COLQ: variants seen among roughly 807,000 people sequenced by gnomAD.
COLQ encodes the protein acetylcholinesterase collagenic tail peptide.
Under a neutral mutation model 69.0 loss-of-function variants are expected in COLQ, and 48 were observed. The observed-to-expected ratio is 0.70, with a 90% CI of 0.55 to 0.88. The LOEUF is 0.88. Among genes scored for constraint, COLQ ranks in the 40% least tolerant of loss-of-function variants. The pLI, the probability that COLQ is intolerant of heterozygous loss-of-function variation, is 0.00. For synonymous variants in COLQ, 217 were observed against 211.2 expected (o/e 1.03, Z -0.24); for missense variants, 618 against 594.6 (o/e 1.04, Z -0.41).
intron 14 of COLQ, 47 bp from the exon 15 acceptor site, chr3:15,456,066 G>A: frequency 1.2e-6 from 2 of 1,609,960 alleles, no homozygotes; most frequent in Non-Finnish European, 1.7e-6. Flanking sequence ...GCATACCCAG[G>A]CAGCCGCAGG....
At chr3:15,496,046 C>A (rs1033209829) in intron 1 of COLQ, among the ~76,000 whole-genome samples, 13 of 152,166 alleles carry the variant, frequency 8.5e-5, no homozygotes, top group East Asian at 1.9e-4. Context: ...GCCTCCAGTG[C>A]CTTCCTTCAC....
intron 3 of COLQ, among the ~76,000 whole-genome samples, chr3:15,486,928 T>C (rs969352257): frequency 6.6e-6 from 1 of 152,188 alleles, no homozygotes; most frequent in African/African-American, 2.4e-5. Flanking sequence ...ACTACTCAAC[T>C]CTGCCTTTGT....
intron 1 of COLQ, among the ~76,000 whole-genome samples, chr3:15,493,762 G>A (rs2062705507): frequency 6.6e-6 from 1 of 152,230 alleles, no homozygotes; most frequent in Admixed American, 6.5e-5. Context: ...TTTCTCCTGA[G>A]GAAGGCCAGG....
chr3:15,499,012 C>G, intron 1 of COLQ: 135 of 1,012,934 alleles, frequency 1.3e-4, no homozygotes, highest in East Asian at 6.0e-4. Flanking sequence ...TGGTAAGCCT[C>G]AAAGTCAACC....
intron 3 of COLQ, among the ~76,000 whole-genome samples, chr3:15,483,807 G>T (rs1032936325): frequency 6.6e-6 from 1 of 152,190 alleles, no homozygotes; most frequent in African/African-American, 2.4e-5. Context: ...AATGTTGACA[G>T]TGGGGTGTTG....
At chr3:15,505,105 T>G (rs1326841897) in intron 1 of COLQ, among the ~76,000 whole-genome samples, 1 of 152,186 alleles carries the variant, frequency 6.6e-6, no homozygotes, top group Non-Finnish European at 1.5e-5. Flanking sequence ...TTCACAAGGA[T>G]TAGGGTTGGG....
chr3:15,493,810 G>A (rs1166603465), intron 1 of COLQ, among the ~76,000 whole-genome samples: 5 of 152,242 alleles, frequency 3.3e-5, no homozygotes, highest in Non-Finnish European at 5.9e-5. Context: ...CAGGCTAGGC[G>A]TGGTGGCTCA....
intron 1 of COLQ, among the ~76,000 whole-genome samples, chr3:15,505,940 AC>A (rs200872766): frequency 2.0e-5 from 3 of 151,746 alleles, no homozygotes; most frequent in African/African-American, 7.3e-5. Context: ...CCATCCCTGC[AC>A]CCCCCATCCC....
chr3:15,476,898 G>A (rs1020959175), intron 6 of COLQ, among the ~76,000 whole-genome samples: 1 of 152,194 alleles, frequency 6.6e-6, no homozygotes, highest in Admixed American at 6.5e-5. Context: ...GAGGGTACCA[G>A]CCCCCTATTT....
chr3:15,483,079 C>A (rs6801382), intron 3 of COLQ, among the ~76,000 whole-genome samples: 57,069 of 151,754 alleles, frequency 0.38, 10,895 homozygotes, highest in East Asian at 0.51. Flanking sequence ...TTTTTTATTG[C>A]GTCTATTTGA....
intron 3 of COLQ, among the ~76,000 whole-genome samples, chr3:15,487,899 T>C (rs111796689): frequency 6.6e-6 from 1 of 152,288 alleles, no homozygotes; most frequent in African/African-American, 2.4e-5. Context: ...AGTGTTTGTC[T>C]GATTGTAACT....
chr3:15,451,848 C>T (rs939485051), intron 16 of COLQ, 135 bp from the exon 17 acceptor site: 1 of 773,386 alleles, frequency 1.3e-6, no homozygotes, highest in African/African-American at 1.7e-5. Flanking sequence ...GAGTGAGAGG[C>T]CTGGGGGAGT....
Position 15,474,253 on chromosome 3 carries a change from C to G in COLQ, c.575G>C (p.Gly192Ala). ...CTTTTCTCCTTTGGGACCCAGGTCA[C>G]CCTTTTCACCTCTGGATCCCTAGGA... ...RGEKGSRGEK[G>A]DLGPKGEKGF... Residue 192 changes from glycine (G) to alanine (A), a missense_variant, in exon 9 of 17, where the codon GGT (glycine) becomes GCT (alanine). Gly to Ala is a moderately conservative substitution (Grantham distance 60). Coordinates refer to ENST00000383788, the MANE Select transcript of COLQ (RefSeq NM_005677.4). 6.2e-7 allele frequency: 1 copy of G among 1,614,014 alleles called. No individual in the cohort carries two copies.
intron 1 of COLQ, among the ~76,000 whole-genome samples, chr3:15,497,987 T>C (rs1490340319): frequency 1.3e-5 from 2 of 152,236 alleles, no homozygotes; most frequent in African/African-American, 4.8e-5. Context: ...CCTTCTGCTG[T>C]ATGTCCCTGA....
chr3:15,475,408 T>G lies in COLQ; in HGVS notation c.528+17A>C, dbSNP rs1278193068. 3.8e-6 allele frequency: 6 copies of G among 1,585,922 alleles called. No homozygotes were observed. In the Admixed American group the frequency reaches 7.1e-5, roughly 19 times the overall value. ...CTGACAGAGATCTGGGAACGTCCAT[T>G]TGGACCCCACACTGACCTTGGAGCC... On this transcript the variant is annotated intron_variant, in intron 7 of 16. Coordinates refer to ENST00000383788, the MANE Select transcript of COLQ (RefSeq NM_005677.4).
chr3:15,467,745 T>C, intron 11 of COLQ: 1 of 410,338 alleles, frequency 2.4e-6, no homozygotes, highest in South Asian at 1.8e-5. Context: ...TTACTACACT[T>C]GCGCCTTGGC....
At chr3:15,507,752 G>C (rs2062931032) in intron 1 of COLQ, among the ~76,000 whole-genome samples, 1 of 152,220 alleles carries the variant, frequency 6.6e-6, no homozygotes, top group African/African-American at 2.4e-5. Flanking sequence ...ACTGCACCTA[G>C]CCTTCAGCAT....
At chr3:15,460,101 C>T (rs1347653621) in intron 12 of COLQ, among the ~76,000 whole-genome samples, 1 of 152,142 alleles carries the variant, frequency 6.6e-6, no homozygotes, top group East Asian at 1.9e-4. Flanking sequence ...GTTTCCTATG[C>T]CTTTCTTCAC....
intron 3 of COLQ, 127 bp from the exon 4 acceptor site, chr3:15,479,509 G>T: frequency 1.1e-6 from 1 of 902,302 alleles, no homozygotes; most frequent in East Asian, 2.5e-5. Context: ...GGGCTCCAGG[G>T]ACCCATGGAG....
Sources: gnomAD v4.1 joint callset for allele counts (sites outside exome capture counted in the v4.1 genomes callset) on GRCh38, gnomAD v4.1.1 for gene constraint, MANE v1.5 for transcripts, NCBI Gene and HGNC (gene_info 2026-07-23, HGNC 2026-07-21) for gene names.